Variants in SHANK2 observed in about 807,000 individuals in gnomAD.
The protein encoded by SHANK2 is SH3 and multiple ankyrin repeat domains 2, also known as SH3 and multiple ankyrin repeat domains protein 2.
SHANK2 carries 43 observed loss-of-function variants against 133.7 expected under a neutral mutation model. The ratio of observed to expected loss-of-function variants is 0.32; its 90% confidence interval spans 0.25 to 0.41. The LOEUF is 0.41. SHANK2 is among the 10% of genes least tolerant of loss of function. The pLI is 1.00. For missense variants in SHANK2, 1,994 were observed against 2,235.8 expected (o/e 0.89, Z 2.18); for synonymous variants, 1,017 against 952.8 (o/e 1.07, Z -1.24).
intron 6 of SHANK2, among the ~76,000 whole-genome samples, chr11:71,100,710 T>C (rs1951703396): frequency 6.6e-6 from 1 of 151,746 alleles, no homozygotes; most frequent in Non-Finnish European, 1.5e-5. Context: ...CTACTAAAAA[T>C]ACAAAAATAA....
At chr11:70,753,873 G>A (rs1410226589) in intron 14 of SHANK2, among the ~76,000 whole-genome samples, 3 of 113,366 alleles carry the variant, frequency 2.6e-5, no homozygotes, top group African/African-American at 6.9e-5. Flanking sequence ...GTGCAGTGGT[G>A]CAATCTCAGC....
At chr11:70,954,941 G>A (rs746524191) in intron 10 of SHANK2, among the ~76,000 whole-genome samples, 3 of 152,230 alleles carry the variant, frequency 2.0e-5, no homozygotes, top group Admixed American at 6.5e-5. Context: ...TGCTTCGTGG[G>A]ACCACATGGA....
chr11:70,850,805 T>A (rs1298612778), intron 11 of SHANK2, among the ~76,000 whole-genome samples: 1 of 152,212 alleles, frequency 6.6e-6, no homozygotes, highest in Non-Finnish European at 1.5e-5. Flanking sequence ...TGATCTCAGC[T>A]TTGGGCAGGG....
At chr11:71,123,431 C>T (rs1952115226) in intron 3 of SHANK2, among the ~76,000 whole-genome samples, 1 of 152,218 alleles carries the variant, frequency 6.6e-6, no homozygotes, top group Non-Finnish European at 1.5e-5. Flanking sequence ...AAGGAGCACA[C>T]ATCATAGGCT....
intron 17 of SHANK2, among the ~76,000 whole-genome samples, chr11:70,628,639 C>T (rs564345778): frequency 6.6e-6 from 1 of 152,200 alleles, no homozygotes; most frequent in Non-Finnish European, 1.5e-5. Context: ...TCACTCCACA[C>T]CCAGCATCAT....
At chr11:71,133,606 G>T (rs1157867198) in intron 3 of SHANK2, among the ~76,000 whole-genome samples, 2 of 151,984 alleles carry the variant, frequency 1.3e-5, no homozygotes, top group East Asian at 3.9e-4. Context: ...GGGATGGGTG[G>T]GTAGGTGGGT....
intron 14 of SHANK2, among the ~76,000 whole-genome samples, chr11:70,714,636 C>T (rs1565263122): frequency 6.6e-6 from 1 of 152,220 alleles, no homozygotes; most frequent in Non-Finnish European, 1.5e-5. Context: ...CAGGTGTGAT[C>T]TGATCATTTC....
chr11:70,723,485 T>A (rs1946111752), intron 14 of SHANK2, among the ~76,000 whole-genome samples: 1 of 152,138 alleles, frequency 6.6e-6, no homozygotes, highest in African/African-American at 2.4e-5. Context: ...CAACAACCTG[T>A]GAGAGCTTGG....
At chr11:71,116,517 G>C (rs1555100397) in intron 4 of SHANK2, among the ~76,000 whole-genome samples, 2 of 152,358 alleles carry the variant, frequency 1.3e-5, no homozygotes, top group East Asian at 3.9e-4. Context: ...GGAGGCCCAG[G>C]AGCTTGTGGC....
At chr11:71,115,766 C>T (rs74970378) in intron 4 of SHANK2, among the ~76,000 whole-genome samples, 1,842 of 152,228 alleles carry the variant, frequency 0.012, 30 homozygotes, top group African/African-American at 0.042. Context: ...CTGGTCTTCT[C>T]GCCCAGTTTT....
At chr11:70,928,612 G>T (rs538457848) in intron 10 of SHANK2, among the ~76,000 whole-genome samples, 1 of 151,978 alleles carries the variant, frequency 6.6e-6, no homozygotes, top group South Asian at 2.1e-4. Flanking sequence ...TCCCTGGGGG[G>T]GAAGAGGAAG....
intron 14 of SHANK2, among the ~76,000 whole-genome samples, chr11:70,766,120 A>G (rs181952914): frequency 6.6e-6 from 1 of 152,320 alleles, no homozygotes; most frequent in African/African-American, 2.4e-5. Context: ...ATGTCCTTAA[A>G]AGAGGGAATG....
At chr11:71,076,559 C>G (rs911645434) in intron 8 of SHANK2, among the ~76,000 whole-genome samples, 1 of 151,776 alleles carries the variant, frequency 6.6e-6, no homozygotes, top group African/African-American at 2.4e-5. Flanking sequence ...CACACACACA[C>G]GAGAAATTTC....
rs187821595 is a variant in SHANK2, at chr11:70,894,319, C to G, written c.1174+2182G>C. On this transcript the variant is annotated intron_variant, in intron 11 of 25. Transcript: ENST00000601538. ...TCTCCTGCCTCAGCCTCCCGAGTAG[C>G]TGGGATTACCGGTGCCTGCCACCAC... Among the ~76,000 whole-genome samples, 100 of 152,268 alleles carry G rather than the reference C, an allele frequency of 6.6e-4. 1 individual carries two copies. In the East Asian group the frequency reaches 0.018, roughly 28 times the overall value.
At chr11:71,178,672 G>C (rs1953491477) in intron 2 of SHANK2, among the ~76,000 whole-genome samples, 1 of 149,410 alleles carries the variant, frequency 6.7e-6, no homozygotes, top group Admixed American at 6.7e-5. Context: ...AAAGTAACTG[G>C]ATACAAAAAA....
chr11:70,505,353 G>T (rs1048377033), intron 17 of SHANK2, among the ~76,000 whole-genome samples: 1 of 152,172 alleles, frequency 6.6e-6, no homozygotes, highest in African/African-American at 2.4e-5. Context: ...ACACACGTGG[G>T]GGGGCACCGA....
intron 10 of SHANK2, among the ~76,000 whole-genome samples, chr11:70,923,328 C>T (rs1023659236): frequency 1.7e-4 from 26 of 152,260 alleles, no homozygotes; most frequent in Admixed American, 2.6e-4. Flanking sequence ...CCGCAACCTC[C>T]GCCTCCTGGG....
intron 3 of SHANK2, among the ~76,000 whole-genome samples, chr11:71,128,711 G>A (rs1422212719): frequency 2.6e-5 from 4 of 152,176 alleles, no homozygotes; most frequent in Middle Eastern, 3.4e-3. Context: ...TCTCTCCCCC[G>A]ACATCTGTCT....
At chr11:71,084,559 T>A (rs1951352149) in intron 8 of SHANK2, among the ~76,000 whole-genome samples, 1 of 152,124 alleles carries the variant, frequency 6.6e-6, no homozygotes, top group Non-Finnish European at 1.5e-5. Context: ...ATTCTCCAGG[T>A]GCTAGAACAG....
Sources: gnomAD v4.1 joint callset for allele counts (sites outside exome capture counted in the v4.1 genomes callset) on GRCh38, gnomAD v4.1.1 for gene constraint, MANE v1.5 for transcripts, NCBI Gene and HGNC (gene_info 2026-07-23, HGNC 2026-07-21) for gene names.